Variants in OXSM observed in about 807,000 individuals in gnomAD.
The protein encoded by OXSM is 3-oxoacyl-ACP synthase, mitochondrial.
Under a neutral mutation model 29.2 loss-of-function variants are expected in OXSM, and 19 were observed. That is an observed-to-expected ratio of 0.65 (90% CI 0.45 to 0.96). The LOEUF is 0.96. Ranked by LOEUF, OXSM falls within the 40% of genes least tolerant of loss-of-function variation. The probability of loss-of-function intolerance (pLI) is 0.00; values close to 1 mark genes in which losing one functional copy is unlikely to be tolerated. For synonymous variants in OXSM, 178 were observed against 197.1 expected (o/e 0.90, Z 0.81); for missense variants, 554 against 551.3 (o/e 1.00, Z -0.05).
Position 25,791,657 on chromosome 3 carries a change from G to A in OXSM, c.637G>A (p.Ala213Thr), listed in dbSNP as rs565892479. 3 of 1,614,016 alleles carry A rather than the reference G, an allele frequency of 1.9e-6. No individual in the cohort carries two copies. The highest frequency in any genetic ancestry group is 4.5e-5 in the East Asian group (2 of 44,892). ...AGTATCCACAGCCTGTACCACAGGAGCTCATGCTGTGGGAGACTCATTTAG... is the reference window on the plus strand; with the variant it reads ...AGTATCCACAGCCTGTACCACAGGAACTCATGCTGTGGGAGACTCATTTAG... ...HAVSTACTTG[A>T]HAVGDSFRFI... The change falls in exon 2 of 3, where the codon GCT becomes ACT. Residue 213 changes from alanine (A) to threonine (T), a missense_variant. Physicochemically the swap from Ala to Thr is moderately conservative, Grantham distance 58 (BLOSUM62 0). Transcript: ENST00000280701.
At position 25,791,198 on chromosome 3, in the gene OXSM, C is replaced by CA; in HGVS notation, c.179dup (p.His60GlnfsTer20). 6.2e-7 allele frequency: 1 copy of CA among 1,614,166 alleles called. No individual in the cohort carries two copies. The highest frequency in any genetic ancestry group is 8.5e-7 in the Non-Finnish European group (1 of 1,179,988). On this transcript the variant is annotated frameshift_variant, in exon 2 of 3. Coordinates refer to ENST00000280701, the MANE Select transcript of OXSM (RefSeq NM_017897.3). LOFTEE classifies it high-confidence loss of function. ...AGTGACTCCTCTTGGTGTTGGAACTCACCTGGTTTGGGATCGTCTTATCGG... is the reference window on the plus strand; with the variant it reads ...AGTGACTCCTCTTGGTGTTGGAACTCAACCTGGTTTGGGATCGTCTTATCGG...
In OXSM at chr3:25,791,397, C is replaced by G; in HGVS notation, c.377C>G (p.Ala126Gly). The G allele has an allele frequency of 6.2e-7, 1 of 1,614,134 alleles. No individual in the cohort carries two copies. Among genetic ancestry groups the G allele is most frequent in the South Asian group, 1.1e-5 (1 of 91,084 alleles). ...SSPTIMAIGA[A>G]ELAMKDSGWH... ...CCCACCATCATGGCCATTGGGGCTG[C>G]AGAATTAGCCATGAAGGATTCTGGC... Residue 126 changes from alanine (A) to glycine (G), a missense_variant, in exon 2 of 3, where the codon GCA becomes GGA. Coordinates refer to ENST00000280701, the MANE Select transcript of OXSM (RefSeq NM_017897.3).
In OXSM at chr3:25,791,869, G is replaced by T; in HGVS notation, c.849G>T (p.Leu283=). The change falls in exon 2 of 3, where the codon CTG becomes CTT. Residue 283 remains leucine (L), a synonymous_variant. Coordinates refer to ENST00000280701, the MANE Select transcript of OXSM (RefSeq NM_017897.3). ...GFVMGEGAAV[L]VLEEYEHAVQ... Reference sequence around the variant, plus strand: ...TAATGGGAGAAGGTGCAGCTGTGCTGGTGCTGGAAGAATATGAACATGCTG... The same window carrying T: ...TAATGGGAGAAGGTGCAGCTGTGCTTGTGCTGGAAGAATATGAACATGCTG... The T allele has an allele frequency of 2.5e-6, 4 of 1,612,734 alleles. No individual in the cohort carries two copies. Among genetic ancestry groups the T allele is most frequent in the Non-Finnish European group, 2.5e-6 (3 of 1,180,018 alleles).
In OXSM at chr3:25,791,830, G is replaced by A; in HGVS notation, c.810G>A (p.Lys270=). ...TGGCATGTCGACCATTTCATCCAAA[G>A]AGAGATGGTTTTGTAATGGGAGAAG... is the stretch of plus-strand genomic sequence containing the variant. ...PKLACRPFHP[K]RDGFVMGEGA... Residue 270 remains lysine (K), a synonymous_variant, in exon 2 of 3, where the codon AAG becomes AAA. Coordinates refer to ENST00000280701, the MANE Select transcript of OXSM (RefSeq NM_017897.3). 6.2e-7 allele frequency: 1 copy of A among 1,614,088 alleles called. No individual in the cohort carries two copies. The highest frequency in any genetic ancestry group is 8.5e-7 in the Non-Finnish European group (1 of 1,180,012).
Position 25,794,211 on chromosome 3 carries a change from T to C in OXSM, c.1097T>C (p.Leu366Pro). Residue 366 changes from leucine to proline, a missense_variant, in exon 3 of 3, where the codon CTC (leucine) becomes CCC (proline). Transcript: ENST00000280701. ...GCTGAAAACAAAGCTATCAAACATC[T>C]CTTCAAAGACCATGCATATGCCCTT... is the stretch of plus-strand genomic sequence containing the variant. ...DAAENKAIKH[L>P]FKDHAYALAV... is the part of the protein sequence containing the mutation. 1 of 1,614,244 alleles carries C rather than the reference T, an allele frequency of 6.2e-7. No homozygotes were observed. The highest frequency in any genetic ancestry group is 8.5e-7 in the Non-Finnish European group (1 of 1,180,046).
In OXSM at chr3:25,790,484, C is replaced by T. The variant is rs1013611653; in HGVS notation, c.-32+337C>T. On this transcript the variant is annotated intron_variant, in intron 1 of 2. Coordinates refer to ENST00000280701, the MANE Select transcript of OXSM (RefSeq NM_017897.3). ...GCAAGCTTGGTCACAGAGTGTATTG[C>T]CAACCCATGTATCCAGACGCTCAGT... The T allele has an allele frequency of 3.7e-5, 6 of 160,732 alleles. No homozygotes were observed. The East Asian group carries it at 1.1e-3, about 29-fold the overall frequency. 10.0% of individuals were successfully genotyped at this position (160,732 alleles called of 1,614,324 possible). A position where few individuals can be genotyped will look rare whatever the true frequency, so the allele number is the denominator to read the frequency against.
At position 25,791,687 on chromosome 3, in the gene OXSM, A is replaced by T. The variant is rs372030404; in HGVS notation, c.667A>T (p.Ile223Leu). 5.5e-4 allele frequency: 880 copies of T among 1,614,176 alleles called. 12 individuals are homozygous for T. The South Asian group carries it at 8.5e-3, about 16-fold the overall frequency. ...TGCTGTGGGAGACTCATTTAGATTT[A>T]TAGCCCATGGTGATGCTGATGTGAT... ...AHAVGDSFRF[I>L]AHGDADVMVA... Residue 223 changes from isoleucine to leucine, a missense_variant, in exon 2 of 3, where the codon ATA (isoleucine) becomes TTA (leucine). Ile to Leu is a conservative substitution (Grantham distance 5). Coordinates refer to ENST00000280701, the MANE Select transcript of OXSM (RefSeq NM_017897.3).
intron 2 of OXSM, among the ~76,000 whole-genome samples, chr3:25,792,936 G>T (rs1429293531): frequency 6.6e-6 from 1 of 152,028 alleles, no homozygotes; most frequent in Non-Finnish European, 1.5e-5. Context: ...AATATTTTTG[G>T]CTTTGTGGGC....
rs945314462 is a variant in OXSM, at chr3:25,791,890, T to A, written c.870T>A (p.His290Gln). ...TGCTGGTGCTGGAAGAATATGAACATGCTGTTCAAAGAAGAGCCCGGATCT... is the reference window on the plus strand; with the variant it reads ...TGCTGGTGCTGGAAGAATATGAACAAGCTGTTCAAAGAAGAGCCCGGATCT... Reference protein sequence around the residue: ...AAVLVLEEYEHAVQRRARIYA... With the variant: ...AAVLVLEEYEQAVQRRARIYA... Residue 290 changes from histidine to glutamine, a missense_variant, in exon 2 of 3, where the codon CAT (histidine) becomes CAA (glutamine). Transcript: ENST00000280701. 1 of 1,609,878 alleles carries A rather than the reference T, an allele frequency of 6.2e-7. No individual in the cohort carries two copies.
chr3:25,790,384 C>T (rs1475330556), intron 1 of OXSM: 1 of 165,354 alleles, frequency 6.0e-6, no homozygotes. Flanking sequence ...ATCCACTAGT[C>T]GTAACCCCTC....
chr3:25,792,261 C>T (rs886105461), intron 2 of OXSM, among the ~76,000 whole-genome samples: 9 of 152,206 alleles, frequency 5.9e-5, no homozygotes, highest in Non-Finnish European at 4.4e-5. Flanking sequence ...CAACTTTTCA[C>T]GCCTGCATTT....
At chr3:25,790,384 C>G (rs1475330556) in intron 1 of OXSM, 1 of 165,354 alleles carries the variant, frequency 6.0e-6, no homozygotes, top group African/African-American at 2.4e-5. Flanking sequence ...ATCCACTAGT[C>G]GTAACCCCTC....
At position 25,794,505 on chromosome 3, in the gene OXSM, T is replaced by C. The variant is rs753206281; in HGVS notation, c.*11T>C. ...ATTGCTGGACTGTAGAACATATAATTTGTAATTAAATACTGATTTTTAAAT... is the reference window on the plus strand; with the variant it reads ...ATTGCTGGACTGTAGAACATATAATCTGTAATTAAATACTGATTTTTAAAT... On this transcript the variant is annotated 3_prime_UTR_variant, in exon 3 of 3. Transcript: ENST00000280701. 6.5e-7 allele frequency: 1 copy of C among 1,547,210 alleles called. No homozygotes were observed. Among genetic ancestry groups the C allele is most frequent in the Non-Finnish European group, 8.8e-7 (1 of 1,141,584 alleles).
rs558426183 is a variant in OXSM at position 25,791,395 on chromosome 3, T to C, written c.375T>C (p.Ala125=). The C allele has an allele frequency of 1.2e-5, 19 of 1,614,222 alleles. No individual in the cohort carries two copies. The East Asian group carries it at 4.2e-4, about 36-fold the overall frequency. The change falls in exon 2 of 3, where the codon GCT becomes GCC. Residue 125 remains alanine (A), a synonymous_variant. Coordinates refer to ENST00000280701, the MANE Select transcript of OXSM (RefSeq NM_017897.3). ...MSSPTIMAIG[A]AELAMKDSGW... is the part of the protein sequence containing the mutation. ...CTCCCACCATCATGGCCATTGGGGC[T>C]GCAGAATTAGCCATGAAGGATTCTG...
Position 25,791,274 on chromosome 3 carries a change from C to G in OXSM, c.254C>G (p.Pro85Arg). Residue 85 changes from proline (P) to arginine (R), a missense_variant, in exon 2 of 3, where the codon CCT (proline) becomes CGT (arginine). By Grantham distance (103) the Pro-to-Arg change is moderately radical. Coordinates refer to ENST00000280701, the MANE Select transcript of OXSM (RefSeq NM_017897.3). ...GTTGGTGAAGAGTATAAGAGTATCC[C>G]TTGCAGTGTTGCTGCTTATGTGCCA... ...SLVGEEYKSIPCSVAAYVPRG... is the reference protein window; with the variant it reads ...SLVGEEYKSIRCSVAAYVPRG... 1.2e-6 allele frequency: 2 copies of G among 1,614,146 alleles called. No homozygotes were observed. Among genetic ancestry groups the G allele is most frequent in the Admixed American group, 1.7e-5 (1 of 60,020 alleles).
At chr3:25,792,020 G>T (rs187055987) in intron 2 of OXSM, 23 bp downstream of exon 2, 1 of 1,566,856 alleles carries the variant, frequency 6.4e-7, no homozygotes, top group Non-Finnish European at 8.6e-7. Flanking sequence ...TATTTCCTTC[G>T]AAATATTTCT....
At position 25,790,132 on chromosome 3, in the gene OXSM, G is replaced by T; in HGVS notation, c.-47G>T. On this transcript the variant is annotated 5_prime_UTR_variant, in exon 1 of 3. Transcript: ENST00000280701. ...CCCCCGACTGTGGAGAAGTGTCCGGGGTAGCCCCGTTACAGGTATCGCTGG... is the reference window on the plus strand; with the variant it reads ...CCCCCGACTGTGGAGAAGTGTCCGGTGTAGCCCCGTTACAGGTATCGCTGG... 1 of 519,226 alleles carries T rather than the reference G, an allele frequency of 1.9e-6. No homozygotes were observed. The highest frequency in any genetic ancestry group is 3.4e-6 in the Non-Finnish European group (1 of 292,196). The allele number at this position is 519,226 out of a possible 1,614,324, so 32.2% of individuals were successfully genotyped here. A position where few individuals can be genotyped will look rare whatever the true frequency, so the allele number is the denominator to read the frequency against.
At position 25,791,483 on chromosome 3, in the gene OXSM, A is replaced by T. The variant is rs764740644; in HGVS notation, c.463A>T (p.Ile155Phe). The T allele has an allele frequency of 8.7e-6, 14 of 1,614,080 alleles. No homozygotes were observed. The highest frequency in any genetic ancestry group is 1.7e-5 in the Admixed American group (1 of 60,004). The change falls in exon 2 of 3, where the codon ATT becomes TTT. Residue 155 changes from isoleucine (I) to phenylalanine (F), a missense_variant. Ile to Phe is a conservative substitution (Grantham distance 21). Transcript: ENST00000280701. The stretch of plus-strand genomic sequence containing the variant: ...TGGTGTTGCAATTGGCATGGGAATG[A>T]TTCCTCTTGAAGTTGTTTCTGAAAC... ...ATGVAIGMGMIPLEVVSETAL... is the reference protein window; with the variant it reads ...ATGVAIGMGMFPLEVVSETAL...
chr3:25,792,788 CA>C (rs1165670861), intron 2 of OXSM, among the ~76,000 whole-genome samples: 1 of 151,588 alleles, frequency 6.6e-6, no homozygotes, highest in Non-Finnish European at 1.5e-5. Flanking sequence ...ATTTAAAATG[CA>C]AAAAAATAAA....
Sources: allele counts gnomAD v4.1 joint callset (sites outside exome capture counted in the v4.1 genomes callset), GRCh38; gene constraint gnomAD v4.1.1; transcripts MANE v1.5; gene names NCBI Gene and HGNC (gene_info 2026-07-23, HGNC 2026-07-21).